Variants in HS3ST4 observed in about 807,000 individuals in gnomAD.
HS3ST4 encodes the protein heparan sulfate glucosamine 3-O-sulfotransferase 4.
HS3ST4 carries 17 observed loss-of-function variants against 29.2 expected under a neutral mutation model. The ratio of observed to expected loss-of-function variants is 0.58; its 90% CI spans 0.40 to 0.87. The LOEUF is 0.87. Among genes scored for constraint, HS3ST4 ranks in the 40% least tolerant of loss-of-function variants. The pLI, the probability that HS3ST4 is intolerant of heterozygous loss-of-function variation, is 0.00. For synonymous variants in HS3ST4, 314 were observed against 285.7 expected (o/e 1.10, Z -1.00); for missense variants, 627 against 634.5 (o/e 0.99, Z 0.13).
At chr16:26,033,191 CA>C (rs1460023255) in intron 1 of HS3ST4, among the ~76,000 whole-genome samples, 1 of 152,040 alleles carries the variant, frequency 6.6e-6, no homozygotes, top group Non-Finnish European at 1.5e-5. Context: ...CCAGCCTGGG[CA>C]ACATAGCACA....
intron 1 of HS3ST4, among the ~76,000 whole-genome samples, chr16:25,754,747 A>G (rs538357304): frequency 2.6e-5 from 4 of 152,204 alleles, no homozygotes; most frequent in Non-Finnish European, 4.4e-5. Flanking sequence ...AACCACCCCC[A>G]TGATTAAATT....
At chr16:25,707,434 CAT>C (rs752421452) in intron 1 of HS3ST4, among the ~76,000 whole-genome samples, 3 of 152,002 alleles carry the variant, frequency 2.0e-5, no homozygotes, top group Non-Finnish European at 4.4e-5. Context: ...TAGGAAATAA[CAT>C]AATATCTATA....
chr16:25,985,708 C>T (rs1419921897), intron 1 of HS3ST4, among the ~76,000 whole-genome samples: 6 of 151,442 alleles, frequency 4.0e-5, no homozygotes, highest in African/African-American at 7.3e-5. Context: ...TTATTTTTAG[C>T]GACAGGGTCT....
intron 1 of HS3ST4, among the ~76,000 whole-genome samples, chr16:26,069,922 C>T (rs1448407798): frequency 2.0e-5 from 3 of 152,232 alleles, no homozygotes. Context: ...CTCCATGGTG[C>T]ATATGTGCCA....
intron 1 of HS3ST4, among the ~76,000 whole-genome samples, chr16:25,882,992 T>C (rs1967909511): frequency 6.6e-6 from 1 of 152,138 alleles, no homozygotes; most frequent in Non-Finnish European, 1.5e-5. Flanking sequence ...ACTTTCCTGG[T>C]CTCCACTTGA....
intron 1 of HS3ST4, among the ~76,000 whole-genome samples, chr16:25,993,118 T>C (rs1357435630): frequency 6.6e-6 from 1 of 152,018 alleles, no homozygotes; most frequent in Non-Finnish European, 1.5e-5. Flanking sequence ...AGCCCCACAA[T>C]CTAGAACTGC....
intron 1 of HS3ST4, among the ~76,000 whole-genome samples, chr16:25,847,284 T>C (rs1018510067): frequency 6.6e-5 from 10 of 152,184 alleles, no homozygotes; most frequent in African/African-American, 9.6e-5. Flanking sequence ...TGGTTCATAA[T>C]TGGGATCCCC....
chr16:26,048,796 A>G (rs1438631771), intron 1 of HS3ST4, among the ~76,000 whole-genome samples: 1 of 152,136 alleles, frequency 6.6e-6, no homozygotes, highest in Non-Finnish European at 1.5e-5. Context: ...TCACACCACT[A>G]CACTCTAGCC....
At chr16:26,078,162 A>T (rs771562302) in intron 1 of HS3ST4, among the ~76,000 whole-genome samples, 1 of 152,152 alleles carries the variant, frequency 6.6e-6, no homozygotes, top group Non-Finnish European at 1.5e-5. Flanking sequence ...TATTTTTGAG[A>T]TGGAGTCTCA....
chr16:25,900,777 C>T lies in HS3ST4; in HGVS notation c.734+207626C>T, dbSNP rs181487972. ...TACCCCCAAACTCCCGGCACTGTAA[C>T]ATGGGACCTCAGGGAGTGACATGGG... On this transcript the variant is annotated intron_variant, in intron 1 of 1. Transcript: ENST00000331351. Among the ~76,000 whole-genome samples, 729 of 133,962 alleles carry T rather than the reference C, an allele frequency of 5.4e-3. 7 individuals carry two copies. Among genetic ancestry groups the T allele is most frequent in the African/African-American group, 0.017 (682 of 40,122 alleles). 87.9% of individuals were successfully genotyped at this position (133,962 alleles called of 152,430 possible).
chr16:25,877,025 G>A (rs187829531), intron 1 of HS3ST4, among the ~76,000 whole-genome samples: 92 of 152,106 alleles, frequency 6.0e-4, no homozygotes, highest in Non-Finnish European at 1.1e-3. Flanking sequence ...TACAGTAAGT[G>A]TCAGTAAATG....
chr16:25,932,707 C>T (rs1968477069), intron 1 of HS3ST4, among the ~76,000 whole-genome samples: 1 of 152,214 alleles, frequency 6.6e-6, no homozygotes, highest in Non-Finnish European at 1.5e-5. Flanking sequence ...GTACCCTTCA[C>T]AAAATCCTTA....
At chr16:25,792,398 C>CG (rs1966871224) in intron 1 of HS3ST4, among the ~76,000 whole-genome samples, 1 of 151,698 alleles carries the variant, frequency 6.6e-6, no homozygotes, top group Admixed American at 6.6e-5. Flanking sequence ...TTTAAATATA[C>CG]GGAAAAATTT....
At chr16:25,916,971 G>A (rs1275658192) in intron 1 of HS3ST4, among the ~76,000 whole-genome samples, 1 of 152,010 alleles carries the variant, frequency 6.6e-6, no homozygotes, top group Non-Finnish European at 1.5e-5. Flanking sequence ...GATCCACCAC[G>A]CCCTGCCTCG....
chr16:26,100,934 G>T (rs910931077), intron 1 of HS3ST4, among the ~76,000 whole-genome samples: 14 of 152,154 alleles, frequency 9.2e-5, no homozygotes, highest in Non-Finnish European at 1.5e-4. Flanking sequence ...AGGGCTCAAA[G>T]GCAGGAGATG....
intron 1 of HS3ST4, among the ~76,000 whole-genome samples, chr16:26,073,283 T>C (rs1438981656): frequency 6.6e-6 from 1 of 152,236 alleles, no homozygotes; most frequent in Non-Finnish European, 1.5e-5. Flanking sequence ...GAAATTTGTG[T>C]AGTCAGAATT....
intron 1 of HS3ST4, among the ~76,000 whole-genome samples, chr16:26,043,886 C>T (rs1898234954): frequency 6.6e-6 from 1 of 152,192 alleles, no homozygotes; most frequent in Admixed American, 6.5e-5. Context: ...CTTCATTCTC[C>T]CTGCCACTAC....
intron 1 of HS3ST4, among the ~76,000 whole-genome samples, chr16:25,860,943 T>A (rs1388283360): frequency 3.3e-5 from 5 of 152,082 alleles, no homozygotes; most frequent in African/African-American, 1.2e-4. Context: ...ATGCTGATAA[T>A]GAGGGAGGCT....
At chr16:26,002,205 G>A (rs1233390332) in intron 1 of HS3ST4, among the ~76,000 whole-genome samples, 1 of 152,182 alleles carries the variant, frequency 6.6e-6, no homozygotes, top group African/African-American at 2.4e-5. Context: ...CAGAAGAAGA[G>A]TCAAATCTCC....
Sources: allele counts gnomAD v4.1 joint callset (sites outside exome capture counted in the v4.1 genomes callset), GRCh38; gene constraint gnomAD v4.1.1; transcripts MANE v1.5; gene names NCBI Gene and HGNC (gene_info 2026-07-23, HGNC 2026-07-21).